Variants in ADGB observed in about 807,000 individuals in gnomAD.
ADGB encodes androglobin, also known as calpain-7-like protein.
In ADGB, 172 loss-of-function variants were observed where a neutral mutation model predicts 210.5. The observed-to-expected ratio is 0.82, with a 90% CI of 0.72 to 0.93. The LOEUF is 0.93. Ranked by LOEUF, ADGB falls within the 40% of genes least tolerant of loss-of-function variation. The pLI is 0.00. For missense variants in ADGB, 2,025 were observed against 1,964.8 expected, an observed-to-expected ratio of 1.03 and a Z score of -0.58; for synonymous variants, 658 against 662.7, an observed-to-expected ratio of 0.99 and a Z score of 0.11.
At position 146,751,670 on chromosome 6, in the gene ADGB, C is replaced by A. The variant is rs554158123; in HGVS notation, c.3366-860C>A. Among the ~76,000 whole-genome samples, 11 of 152,184 alleles carry A rather than the reference C, an allele frequency of 7.2e-5. No homozygotes were observed. The South Asian group carries it at 2.3e-3, about 32-fold the overall frequency. ...TTTCCTGACCTTAATAATCATCATT[C>A]TGACTGGCATGAGATGGTATCTCAT... is the stretch of plus-strand genomic sequence containing the variant. On this transcript the variant is annotated intron_variant, in intron 26 of 35. Transcript: ENST00000397944.
At chr6:146,757,993 C>T (rs1164474190) in intron 27 of ADGB, among the ~76,000 whole-genome samples, 3 of 152,060 alleles carry the variant, frequency 2.0e-5, no homozygotes, top group African/African-American at 7.2e-5. Context: ...GTGGGATATG[C>T]ATGTACTATA....
intron 26 of ADGB, among the ~76,000 whole-genome samples, chr6:146,749,411 T>C (rs999438106): frequency 5.9e-5 from 9 of 152,068 alleles, no homozygotes; most frequent in Non-Finnish European, 1.5e-5. Context: ...CTCTCTGATG[T>C]TTGTGGGAAT....
intron 29 of ADGB, among the ~76,000 whole-genome samples, chr6:146,781,147 GA>G (rs1455996761): frequency 9.3e-6 from 1 of 108,050 alleles, no homozygotes; most frequent in Non-Finnish European, 1.8e-5. Flanking sequence ...CTAACACGGT[GA>G]AACCCCGTCT....
chr6:146,688,946 C>T (rs1242883242), intron 10 of ADGB, among the ~76,000 whole-genome samples: 1 of 152,042 alleles, frequency 6.6e-6, no homozygotes, highest in Non-Finnish European at 1.5e-5. Flanking sequence ...AAGAAAAATA[C>T]ACGAAAATCA....
chr6:146,658,749 C>T (rs1238137410), intron 5 of ADGB, among the ~76,000 whole-genome samples: 1 of 152,122 alleles, frequency 6.6e-6, no homozygotes, highest in African/African-American at 2.4e-5. Flanking sequence ...GTATTGAGCC[C>T]ACTTTGGAAA....
rs749698248 is a variant in ADGB, at chr6:146,691,144, A to G, written c.1340A>G (p.Tyr447Cys). ...MADSAEKLRE[Y>C]GLSHICSHPV... is the part of the protein sequence containing the mutation. ...GATTCTGCTGAGAAACTTAGAGAAT[A>G]TGGGCTTTCCCACATCTGTAGCCAT... Residue 447 changes from tyrosine to cysteine, a missense_variant, in exon 11 of 36, where the codon TAT becomes TGT. Coordinates refer to ENST00000397944, the MANE Select transcript of ADGB (RefSeq NM_024694.4). 6 of 1,542,272 alleles carry G rather than the reference A, an allele frequency of 3.9e-6. No individual in the cohort carries two copies. In the South Asian group the frequency reaches 6.1e-5, roughly 16 times the overall value.
intron 29 of ADGB, among the ~76,000 whole-genome samples, chr6:146,781,733 G>T (rs1777802793): frequency 6.6e-6 from 1 of 152,008 alleles, no homozygotes; most frequent in East Asian, 1.9e-4. Flanking sequence ...GAAACAAATG[G>T]CATCCATATT....
At chr6:146,760,182 C>G (rs558011785) in intron 27 of ADGB, among the ~76,000 whole-genome samples, 2 of 151,766 alleles carry the variant, frequency 1.3e-5, no homozygotes, top group South Asian at 2.1e-4. Context: ...TAAGTACATA[C>G]TTTAGTATGA....
intron 1 of ADGB, among the ~76,000 whole-genome samples, chr6:146,603,774 C>T (rs1024366875): frequency 2.0e-5 from 3 of 152,040 alleles, no homozygotes; most frequent in South Asian, 2.1e-4. Flanking sequence ...AAGCTGAATT[C>T]AAGATTTAAT....
chr6:146,602,278 T>G (rs1315278546), intron 1 of ADGB, among the ~76,000 whole-genome samples: 1 of 152,188 alleles, frequency 6.6e-6, no homozygotes, highest in Admixed American at 6.5e-5. Context: ...TACCCCAGCA[T>G]GTCCTGTTCT....
At chr6:146,634,144 A>G (rs546136157) in intron 1 of ADGB, among the ~76,000 whole-genome samples, 1 of 152,192 alleles carries the variant, frequency 6.6e-6, no homozygotes, top group South Asian at 2.1e-4. Flanking sequence ...GTTGCCTGCA[A>G]TATTCAGGAC....
At chr6:146,736,464 G>A (rs564564335) in intron 22 of ADGB, 34 bp from the exon 23 acceptor site, 3 of 1,362,136 alleles carry the variant, frequency 2.2e-6, no homozygotes, top group South Asian at 1.4e-5. Flanking sequence ...GCATCTTAAA[G>A]CTTAACGTTT....
At position 146,814,403 on chromosome 6, in the gene ADGB, C is replaced by A. The variant is rs578193476; in HGVS notation, c.4819-629C>A. Among the ~76,000 whole-genome samples, 10 of 152,278 alleles carry A rather than the reference C, an allele frequency of 6.6e-5. No individual in the cohort carries two copies. The South Asian group carries it at 2.1e-3, about 32-fold the overall frequency. On this transcript the variant is annotated intron_variant, in intron 35 of 35. Transcript: ENST00000397944. ...AGCAAAGGTGACTGAATAGGAGCAGCTGGTGAGACAGAAGACAATCTAAGA... is the reference window on the plus strand; with the variant it reads ...AGCAAAGGTGACTGAATAGGAGCAGATGGTGAGACAGAAGACAATCTAAGA...
chr6:146,815,299 T>C lies in ADGB; in HGVS notation c.*82T>C. 8.5e-6 allele frequency: 9 copies of C among 1,064,766 alleles called. No individual in the cohort carries two copies. The highest frequency in any genetic ancestry group is 3.1e-5 in the East Asian group (1 of 31,824). The allele number at this position is 1,064,766 out of a possible 1,614,324, so 66.0% of individuals were successfully genotyped here. ...TCTTTAACTGCCTGCTGTTAAGATA[T>C]TAGGCCAAATGAAAATAGAAATTTC... On this transcript the variant is annotated 3_prime_UTR_variant, in exon 36 of 36. Coordinates refer to ENST00000397944, the MANE Select transcript of ADGB (RefSeq NM_024694.4).
At chr6:146,720,838 C>A (rs1415697045) in intron 16 of ADGB, among the ~76,000 whole-genome samples, 3 of 152,182 alleles carry the variant, frequency 2.0e-5, no homozygotes, top group African/African-American at 7.2e-5. Flanking sequence ...ATTCAATCAC[C>A]TCCCACCAGG....
At chr6:146,620,435 T>G (rs1780871130) in intron 1 of ADGB, among the ~76,000 whole-genome samples, 1 of 152,174 alleles carries the variant, frequency 6.6e-6, no homozygotes, top group Non-Finnish European at 1.5e-5. Flanking sequence ...TTGATTCTCT[T>G]GTCCCATAAT....
intron 3 of ADGB, among the ~76,000 whole-genome samples, chr6:146,647,587 T>C (rs774346069): frequency 2.1e-4 from 32 of 152,120 alleles, no homozygotes; most frequent in Non-Finnish European, 3.4e-4. Flanking sequence ...AATCAAGTTA[T>C]AGTTTGGGAA....
chr6:146,675,848 C>CTTG (rs910592732), intron 8 of ADGB, among the ~76,000 whole-genome samples: 2 of 152,136 alleles, frequency 1.3e-5, no homozygotes, highest in Non-Finnish European at 2.9e-5. Flanking sequence ...TGGTTGGAAT[C>CTTG]TGGGCTCCAC....
At chr6:146,709,641 C>A (rs76385977) in intron 13 of ADGB, among the ~76,000 whole-genome samples, 9,388 of 152,190 alleles carry the variant, frequency 0.062, 938 homozygotes, top group African/African-American at 0.21. Context: ...GGGGCCAGCC[C>A]GCCACCAGGG....
Sources: gnomAD v4.1 joint callset for allele counts (sites outside exome capture counted in the v4.1 genomes callset) on GRCh38, gnomAD v4.1.1 for gene constraint, MANE v1.5 for transcripts, NCBI Gene and HGNC (gene_info 2026-07-23, HGNC 2026-07-21) for gene names.